The following PDZD9 variants were observed in gnomAD, a reference collection of about 807,000 sequenced individuals.
PDZD9 encodes PDZ domain-containing protein 9.
PDZD9 carries 13 observed loss-of-function variants against 16.3 expected under a neutral mutation model. The observed-to-expected ratio is 0.80, with a 90% CI of 0.52 to 1.27. The LOEUF is 1.27. Ranked by LOEUF, PDZD9 falls within the 50% of genes most tolerant of loss-of-function variation. PDZD9 has a pLI of 0.00. For synonymous variants in PDZD9, 120 were observed against 111.0 expected (o/e 1.08, Z -0.51); for missense variants, 288 against 310.9 (o/e 0.93, Z 0.55).
chr16:21,976,272 G>GT, the PDZD9 span: 1 of 1,560,564 alleles, frequency 6.4e-7, no homozygotes, highest in Non-Finnish European at 8.8e-7. Flanking sequence ...TGTGTTTTAT[G>GT]TTTTTGTTAT....
the PDZD9 span, among the ~76,000 whole-genome samples, chr16:21,972,914 A>C: frequency 6.6e-6 from 1 of 152,196 alleles, no homozygotes; most frequent in Admixed American, 6.5e-5. Flanking sequence ...ATCCTGGCTA[A>C]CACAGTGAAA....
At chr16:21,995,379 G>T (rs553342651) in intron 2 of PDZD9, 1 of 397,552 alleles carries the variant, frequency 2.5e-6, no homozygotes, top group East Asian at 7.7e-5. Flanking sequence ...CTTTATAGCA[G>T]TGCAAGAACG....
chr16:21,991,251 C>G, intron 2 of PDZD9, among the ~76,000 whole-genome samples: 1 of 148,648 alleles, frequency 6.7e-6, no homozygotes, highest in Middle Eastern at 3.2e-3. Context: ...TTTTTTTTCT[C>G]CTGAGACAGG....
At chr16:21,972,148 C>A in the PDZD9 span, 1 of 1,598,338 alleles carries the variant, frequency 6.3e-7, no homozygotes. Flanking sequence ...TGGTATCTCT[C>A]TTTTTGCTTT....
In PDZD9 at chr16:21,988,693, G is replaced by A. The variant is rs1180172930; in HGVS notation, c.310C>T (p.Gln104Ter). The change falls in exon 3 of 4, where the codon CAA becomes TAA. Residue 104 changes from glutamine (Q) to a stop codon, truncating the protein, a stop_gained. Coordinates refer to ENST00000424898, the MANE Select transcript of PDZD9 (RefSeq NM_001363519.1). LOFTEE classifies it high-confidence loss of function. ...ATAAAATCTCGGTAAACCTTGATTTGTAGCACTGTTCCAATAGTGATATGT... is the reference window on the plus strand; with the variant it reads ...ATAAAATCTCGGTAAACCTTGATTTATAGCACTGTTCCAATAGTGATATGT... ...LQHITIGTVL[Q>*]IKVYRDFINI... 18 of 1,612,530 alleles carry A rather than the reference G, an allele frequency of 1.1e-5. No individual in the cohort carries two copies. Among genetic ancestry groups the A allele is most frequent in the Non-Finnish European group, 1.5e-5 (18 of 1,178,902 alleles).
intron 2 of PDZD9, among the ~76,000 whole-genome samples, chr16:21,992,653 C>G (rs1219149933): frequency 6.6e-6 from 1 of 152,176 alleles, no homozygotes; most frequent in Non-Finnish European, 1.5e-5. Context: ...AGTTCTTTGG[C>G]TTTTGGACTC....
the PDZD9 span, among the ~76,000 whole-genome samples, chr16:21,960,823 TC>T: frequency 6.6e-6 from 1 of 152,054 alleles, no homozygotes; most frequent in Admixed American, 6.6e-5. Flanking sequence ...AAACAGCATT[TC>T]TTTTTTTTTA....
At chr16:21,987,367 C>T (rs1303863581) in intron 3 of PDZD9, among the ~76,000 whole-genome samples, 4 of 151,902 alleles carry the variant, frequency 2.6e-5, no homozygotes, top group Non-Finnish European at 4.4e-5. Context: ...TTGCAGTGAG[C>T]CAAGGTCACG....
chr16:21,984,426 G>A lies in PDZD9; in HGVS notation c.636C>T (p.Asp212=). The A allele has an allele frequency of 1.2e-6, 2 of 1,614,088 alleles. No individual in the cohort carries two copies. The highest frequency in any genetic ancestry group is 1.1e-5 in the South Asian group (1 of 91,068). Residue 212 remains aspartate, a synonymous_variant, in exon 4 of 4, where the codon GAC becomes GAT. Transcript: ENST00000424898. ...GAGAAGGGGCCCTCACTTCTTTCTT[G>A]TCGTCTCTGTGAATCATCACGTCAC... is the stretch of plus-strand genomic sequence containing the variant. ...INCDVMIHRD[D]KKEVRAPSPY...
the PDZD9 span, among the ~76,000 whole-genome samples, chr16:21,966,278 C>G: frequency 6.6e-6 from 1 of 152,148 alleles, no homozygotes; most frequent in Non-Finnish European, 1.5e-5. Context: ...CCTGTTCCAT[C>G]CTCGCTCACT....
At chr16:21,975,044 A>G in the PDZD9 span, among the ~76,000 whole-genome samples, 5 of 152,242 alleles carry the variant, frequency 3.3e-5, no homozygotes, top group Non-Finnish European at 7.3e-5. Context: ...TTCATAGTAC[A>G]GTCAGTCAGC....
At chr16:21,961,230 G>T in the PDZD9 span, 1 of 350,942 alleles carries the variant, frequency 2.8e-6, no homozygotes, top group Non-Finnish European at 5.9e-6. Context: ...AAAGAATCAA[G>T]GAATATCTGG....
the PDZD9 span, chr16:21,957,671 G>A: frequency 6.1e-5 from 90 of 1,473,728 alleles, no homozygotes; most frequent in Non-Finnish European, 8.1e-5. Flanking sequence ...TCCTTGACCT[G>A]CCATAACAAA....
the PDZD9 span, among the ~76,000 whole-genome samples, chr16:21,973,482 A>T: frequency 2.6e-5 from 4 of 152,190 alleles, no homozygotes; most frequent in African/African-American, 9.6e-5. Flanking sequence ...TAACTTTCTG[A>T]CATGAGTGTA....
In PDZD9 at chr16:21,989,223, G is replaced by A. The variant is rs545783196; in HGVS notation, c.212-432C>T. 5.5e-4 allele frequency among the ~76,000 whole-genome samples: 84 copies of A among 151,876 alleles called. 1 individual carries two copies. The highest frequency in any genetic ancestry group is 1.1e-3 in the Non-Finnish European group (73 of 67,980). On this transcript the variant is annotated intron_variant, in intron 2 of 3. Coordinates refer to ENST00000424898, the MANE Select transcript of PDZD9 (RefSeq NM_001363519.1). ...GCTAGGATTACAGGCATGAGCCACC[G>A]TACCCGGCCCAGCCTTTATTTAATA...
Position 21,984,358 on chromosome 16 carries a change from G to A in PDZD9, c.704C>T (p.Ser235Phe). 5 of 1,614,154 alleles carry A rather than the reference G, an allele frequency of 3.1e-6. No individual in the cohort carries two copies. Among genetic ancestry groups the A allele is most frequent in the Non-Finnish European group, 4.2e-6 (5 of 1,180,018 alleles). Residue 235 changes from serine (S) to phenylalanine (F), a missense_variant, in exon 4 of 4, where the codon TCC (serine) becomes TTC (phenylalanine). Ser to Phe is a radical substitution (Grantham distance 155). Transcript: ENST00000424898. ...TGCATCTGAGGTAGAGGAGGTAGAGGAGGAAGAGCTTTCATTGTCTTGCTT... is the reference window on the plus strand; with the variant it reads ...TGCATCTGAGGTAGAGGAGGTAGAGAAGGAAGAGCTTTCATTGTCTTGCTT... ...MVKQDNESSS[S>F]STSSTSDAFW...
At chr16:21,961,626 TTATATATATATATATATATATATA>T in the PDZD9 span, among the ~76,000 whole-genome samples, 197 of 64,484 alleles carry the variant, frequency 3.1e-3, 3 homozygotes, top group South Asian at 6.5e-3. Flanking sequence ...AACATAAAAT[TTATATATATATATATATATATATA>T]TATATATATA....
chr16:21,994,831 A>ATT (rs759803828), intron 2 of PDZD9, among the ~76,000 whole-genome samples: 2 of 142,538 alleles, frequency 1.4e-5, no homozygotes, highest in South Asian at 2.2e-4. Context: ...AGTAAATTTA[A>ATT]TTTTTTTTTT....
At chr16:21,973,970 T>C in the PDZD9 span, 2 of 1,607,480 alleles carry the variant, frequency 1.2e-6, no homozygotes, top group Non-Finnish European at 1.7e-6. Context: ...CCACAGCTGC[T>C]GGAGATGTAA....
Sources: gnomAD v4.1 joint callset for allele counts (sites outside exome capture counted in the v4.1 genomes callset) on GRCh38, gnomAD v4.1.1 for gene constraint, MANE v1.5 for transcripts, NCBI Gene and HGNC (gene_info 2026-07-23, HGNC 2026-07-21) for gene names.